Variants in NECAB1 observed in about 807,000 individuals in gnomAD.
The protein encoded by NECAB1 is N-terminal EF-hand calcium-binding protein 1.
In NECAB1, 29 loss-of-function variants were observed where a neutral mutation model predicts 57.5. The observed-to-expected ratio is 0.50, with a 90% CI of 0.38 to 0.69. NECAB1 has a LOEUF of 0.69. Ranked by LOEUF, NECAB1 falls within the 30% of genes least tolerant of loss-of-function variation. The pLI is 0.00. For missense variants in NECAB1, 372 were observed against 413.8 expected (o/e 0.90, Z 0.88); for synonymous variants, 142 against 147.7 (o/e 0.96, Z 0.28).
At chr8:90,896,633 A>AAAAAC (rs1490751548) in intron 5 of NECAB1, among the ~76,000 whole-genome samples, 46 of 138,976 alleles carry the variant, frequency 3.3e-4, no homozygotes, top group Admixed American at 2.2e-3. Context: ...AAACAAAAAC[A>AAAAAC]AAAAAAACAA....
At position 90,791,806 on chromosome 8, in the gene NECAB1, C is replaced by A; in HGVS notation, c.-81C>A. 3 of 1,159,386 alleles carry A rather than the reference C, an allele frequency of 2.6e-6. No homozygotes were observed. The highest frequency in any genetic ancestry group is 1.3e-5 in the South Asian group (1 of 74,214). The allele number at this position is 1,159,386 out of a possible 1,614,324, so 71.8% of individuals were successfully genotyped here. A position where few individuals can be genotyped will look rare whatever the true frequency, so the allele number is the denominator to read the frequency against. ...GATCCAGAGCCCGGCGGCGGCGAAG[C>A]AGCAGCTGCGGCCGCGCCCTTGCCA... On this transcript the variant is annotated 5_prime_UTR_variant, in exon 1 of 13. Transcript: ENST00000417640.
At chr8:90,940,450 T>C (rs1810642277) in intron 9 of NECAB1, 1 of 229,980 alleles carries the variant, frequency 4.3e-6, no homozygotes, top group Non-Finnish European at 8.8e-6. Context: ...TAGGGAGGTT[T>C]TAAAAATAGC....
intron 6 of NECAB1, among the ~76,000 whole-genome samples, chr8:90,922,442 C>G (rs758968664): frequency 1.3e-5 from 2 of 148,236 alleles, no homozygotes; most frequent in Non-Finnish European, 3.0e-5. Flanking sequence ...GAGGATTGCT[C>G]TAATCACCTA....
At chr8:90,920,257 A>G (rs188840253) in intron 6 of NECAB1, among the ~76,000 whole-genome samples, 67 of 152,346 alleles carry the variant, frequency 4.4e-4, no homozygotes, top group Non-Finnish European at 8.8e-4. Flanking sequence ...AGGTTTATAA[A>G]GAAATGCATA....
chr8:90,944,790 C>A (rs1476549385), intron 10 of NECAB1, among the ~76,000 whole-genome samples: 2 of 152,214 alleles, frequency 1.3e-5, no homozygotes, highest in Non-Finnish European at 2.9e-5. Flanking sequence ...ATATTCAAAA[C>A]TCCATGTCAA....
chr8:90,871,998 A>G (rs1292401692), intron 3 of NECAB1, 130 bp from the exon 4 acceptor site: 5 of 673,852 alleles, frequency 7.4e-6, no homozygotes, highest in African/African-American at 3.7e-5. Flanking sequence ...AATTTATAAG[A>G]GAAATACCTT....
intron 4 of NECAB1, among the ~76,000 whole-genome samples, chr8:90,874,851 A>G (rs567743232): frequency 1.3e-5 from 2 of 152,296 alleles, no homozygotes; most frequent in East Asian, 3.9e-4. Flanking sequence ...TAATTCCTCA[A>G]TCAAGGCTTC....
chr8:90,949,940 G>A, intron 11 of NECAB1, 56 bp downstream of exon 11: 1 of 1,068,460 alleles, frequency 9.4e-7, no homozygotes, highest in Non-Finnish European at 1.4e-6. Flanking sequence ...CAATATGCAT[G>A]ATGTAATTTT....
rs148403788 is a variant in NECAB1, at chr8:90,807,772, G to A, written c.124+6057G>A. On this transcript the variant is annotated intron_variant, in intron 2 of 12. Coordinates refer to ENST00000417640, the MANE Select transcript of NECAB1 (RefSeq NM_022351.5). ...ATTAGTAGGGTTCTCACATAGCTCTGTACTCATATGTTAACTCTCAGGTAC... is the reference window on the plus strand; with the variant it reads ...ATTAGTAGGGTTCTCACATAGCTCTATACTCATATGTTAACTCTCAGGTAC... 5.9e-5 allele frequency among the ~76,000 whole-genome samples: 9 copies of A among 152,252 alleles called. No homozygotes were observed. The East Asian group carries it at 9.7e-4, about 16-fold the overall frequency.
intron 1 of NECAB1, among the ~76,000 whole-genome samples, chr8:90,801,002 A>G (rs748307239): frequency 1.4e-4 from 21 of 152,330 alleles, no homozygotes; most frequent in Middle Eastern, 3.4e-3. Flanking sequence ...CGTCCAAGAT[A>G]ATATGATTAA....
intron 2 of NECAB1, among the ~76,000 whole-genome samples, chr8:90,809,093 C>T (rs1811908668): frequency 6.6e-6 from 1 of 152,188 alleles, no homozygotes; most frequent in African/African-American, 2.4e-5. Flanking sequence ...TGCCTTTGCC[C>T]TGGTCATTCA....
chr8:90,897,746 A>C (rs892644165), intron 5 of NECAB1, among the ~76,000 whole-genome samples: 1 of 152,184 alleles, frequency 6.6e-6, no homozygotes, highest in African/African-American at 2.4e-5. Flanking sequence ...GGAAAATGTA[A>C]ATGAACTTAT....
chr8:90,852,533 T>C (rs192125422), intron 3 of NECAB1, among the ~76,000 whole-genome samples: 1 of 152,244 alleles, frequency 6.6e-6, no homozygotes, highest in East Asian at 1.9e-4. Context: ...ACCTACATCC[T>C]TGTTTTCCCA....
chr8:90,946,163 G>A (rs751852428), intron 10 of NECAB1, among the ~76,000 whole-genome samples: 4 of 152,074 alleles, frequency 2.6e-5, no homozygotes, highest in Admixed American at 2.0e-4. Flanking sequence ...GCCCCATATT[G>A]GTCTTTTTGG....
intron 3 of NECAB1, among the ~76,000 whole-genome samples, chr8:90,841,132 C>T (rs930045968): frequency 4.3e-4 from 65 of 151,664 alleles, no homozygotes; most frequent in Non-Finnish European, 7.4e-4. Flanking sequence ...TGGTGGCAGG[C>T]GCCTGTAGTC....
chr8:90,881,181 G>T, intron 5 of NECAB1, 51 bp downstream of exon 5: 1 of 1,301,096 alleles, frequency 7.7e-7, no homozygotes, highest in Non-Finnish European at 1.1e-6. Flanking sequence ...CTTTGAAAAA[G>T]ATTTTTCTTG....
chr8:90,906,889 A>ATATATATATATATATATG (rs1586111020), intron 5 of NECAB1, among the ~76,000 whole-genome samples: 2 of 72,856 alleles, frequency 2.7e-5, no homozygotes, highest in African/African-American at 1.1e-4. Context: ...ATATATATAT[A>ATATATATATATATATATG]TATATATATA....
At chr8:90,920,933 C>T (rs1326711516) in intron 6 of NECAB1, among the ~76,000 whole-genome samples, 2 of 152,202 alleles carry the variant, frequency 1.3e-5, no homozygotes, top group Non-Finnish European at 2.9e-5. Flanking sequence ...ACCCAGAACA[C>T]TGAGGAGACC....
chr8:90,840,213 A>G (rs1329146323), intron 3 of NECAB1, among the ~76,000 whole-genome samples: 1 of 152,226 alleles, frequency 6.6e-6, no homozygotes, highest in African/African-American at 2.4e-5. Context: ...TTCAAATTTA[A>G]CAGTCAGGGA....
Sources: gnomAD v4.1 joint callset for allele counts (sites outside exome capture counted in the v4.1 genomes callset) on GRCh38, gnomAD v4.1.1 for gene constraint, MANE v1.5 for transcripts, NCBI Gene and HGNC (gene_info 2026-07-23, HGNC 2026-07-21) for gene names.